The following ZFYVE28 variants were observed in gnomAD, a reference collection of about 807,000 sequenced individuals.
ZFYVE28 encodes the protein zinc finger FYVE-type containing 28.
A neutral mutation model predicts 82.1 loss-of-function variants in ZFYVE28; 40 were observed. That is an observed-to-expected ratio of 0.49 (90% CI 0.38 to 0.63). The LOEUF (loss-of-function observed/expected upper bound fraction) is 0.63, where lower values mean the gene tolerates loss of function less well. ZFYVE28 is among the 30% of genes least tolerant of loss of function. The pLI is 0.00. For missense variants in ZFYVE28, 1,321 were observed against 1,242.1 expected, an observed-to-expected ratio of 1.06 and a Z score of -0.96; for synonymous variants, 612 against 546.1, an observed-to-expected ratio of 1.12 and a Z score of -1.68.
chr4:2,303,195 G>A (rs763641063), intron 8 of ZFYVE28, among the ~76,000 whole-genome samples: 35 of 152,058 alleles, frequency 2.3e-4, no homozygotes, highest in Non-Finnish European at 3.5e-4. Flanking sequence ...AAGGAAGAAC[G>A]GCCTGACCGT....
At chr4:2,302,536 G>A (rs1404907367) in intron 8 of ZFYVE28, among the ~76,000 whole-genome samples, 1 of 152,232 alleles carries the variant, frequency 6.6e-6, no homozygotes, top group African/African-American at 2.4e-5. Context: ...CTGCCTGGAT[G>A]CCAACTGCAG....
intron 4 of ZFYVE28, among the ~76,000 whole-genome samples, chr4:2,337,768 G>A (rs1722080885): frequency 1.3e-5 from 2 of 152,168 alleles, no homozygotes; most frequent in Non-Finnish European, 2.9e-5. Context: ...CTACTTGGGA[G>A]GCTGAGGTGG....
At chr4:2,404,172 A>T (rs1392588940) in intron 1 of ZFYVE28, among the ~76,000 whole-genome samples, 1 of 151,576 alleles carries the variant, frequency 6.6e-6, no homozygotes, top group Non-Finnish European at 1.5e-5. Context: ...TACAAAAAAA[A>T]TTATCCAGGC....
intron 1 of ZFYVE28, among the ~76,000 whole-genome samples, chr4:2,360,900 T>C (rs1474438398): frequency 6.6e-6 from 1 of 152,230 alleles, no homozygotes; most frequent in African/African-American, 2.4e-5. Context: ...AGCATCTCCC[T>C]TTGATTTGAA....
chr4:2,318,588 TCTCA>T (rs1718582095), intron 7 of ZFYVE28, among the ~76,000 whole-genome samples: 1 of 152,214 alleles, frequency 6.6e-6, no homozygotes, highest in Non-Finnish European at 1.5e-5. Flanking sequence ...ATCTGTGGAT[TCTCA>T]CTGTTTTCCC....
chr4:2,408,514 G>A lies in ZFYVE28; in HGVS notation c.39+9771C>T, dbSNP rs995798403. 1.3e-5 allele frequency among the ~76,000 whole-genome samples: 2 copies of A among 152,216 alleles called. No homozygotes were observed. The highest frequency in any genetic ancestry group is 1.9e-4 in the East Asian group (1 of 5,196). The stretch of plus-strand genomic sequence containing the variant: ...GGCCTGCCTGACAGCTGCACCAGCC[G>A]GGGTGGACCAAAGGCCGCAGATGGT... On this transcript the variant is annotated intron_variant, in intron 1 of 12. Coordinates refer to ENST00000290974, the MANE Select transcript of ZFYVE28 (RefSeq NM_020972.3). This position sits in a 1 kb window ranked among gnomAD's most constrained non-coding sequence, Gnocchi z 4.3.
At chr4:2,346,124 C>G (rs1177189734) in intron 2 of ZFYVE28, among the ~76,000 whole-genome samples, 3 of 147,300 alleles carry the variant, frequency 2.0e-5, no homozygotes, top group African/African-American at 7.6e-5. Context: ...GTCAGGAGAT[C>G]GAGACCATCC....
intron 5 of ZFYVE28, 90 bp downstream of exon 5, chr4:2,337,317 T>A: frequency 1.7e-6 from 2 of 1,145,048 alleles, no homozygotes; most frequent in Non-Finnish European, 2.5e-6. Flanking sequence ...ACACAGCAGG[T>A]TCCCCCAGAG....
chr4:2,394,395 C>T lies in ZFYVE28; in HGVS notation c.39+23890G>A, dbSNP rs952471042. Among the ~76,000 whole-genome samples, 6 of 152,212 alleles carry T rather than the reference C, an allele frequency of 3.9e-5. No individual in the cohort carries two copies. Among genetic ancestry groups the T allele is most frequent in the African/African-American group, 1.4e-4 (6 of 41,452 alleles). On this transcript the variant is annotated intron_variant, in intron 1 of 12. Transcript: ENST00000290974. The surrounding 1 kb of genome is among the most constrained non-coding windows in gnomAD (Gnocchi z 4.0). ...AGCCACGTATGCGATCCCACGGCCA[C>T]ACCTGCTCCAATGCCTGGACCTGGA...
intron 12 of ZFYVE28, 52 bp from the exon 13 acceptor site, chr4:2,270,908 C>A: frequency 6.3e-7 from 1 of 1,576,390 alleles, no homozygotes; most frequent in Non-Finnish European, 8.6e-7. Context: ...CCCCACCCAC[C>A]CTGGCTCCTC....
intron 3 of ZFYVE28, among the ~76,000 whole-genome samples, chr4:2,340,236 G>A (rs548396740): frequency 6.6e-4 from 100 of 152,294 alleles, no homozygotes; most frequent in African/African-American, 2.4e-3. Flanking sequence ...CAGTGTGAGA[G>A]TCCCTGGGCT....
chr4:2,270,524 T>G lies in ZFYVE28; in HGVS notation c.*201A>C. 3 of 720,638 alleles carry G rather than the reference T, an allele frequency of 4.2e-6. No individual in the cohort carries two copies. Among genetic ancestry groups the G allele is most frequent in the Non-Finnish European group, 6.7e-6 (3 of 450,190 alleles). 44.6% of individuals were successfully genotyped at this position (720,638 alleles called of 1,614,324 possible). On this transcript the variant is annotated 3_prime_UTR_variant, in exon 13 of 13. Coordinates refer to ENST00000290974, the MANE Select transcript of ZFYVE28 (RefSeq NM_020972.3). ...CCCCTGCTGGGCAAAGCTGACCTCT[T>G]GTTGGCCCCTGCAGCCGGCCCGGGG... is the stretch of plus-strand genomic sequence containing the variant.
intron 1 of ZFYVE28, among the ~76,000 whole-genome samples, chr4:2,370,969 G>A (rs1489878740): frequency 2.0e-5 from 3 of 152,212 alleles, no homozygotes; most frequent in Non-Finnish European, 4.4e-5. Context: ...TGTCCACCAC[G>A]AAGACCCCCA....
chr4:2,375,373 G>C (rs1030512405), intron 1 of ZFYVE28, among the ~76,000 whole-genome samples: 9 of 152,212 alleles, frequency 5.9e-5, no homozygotes, highest in African/African-American at 1.9e-4. Flanking sequence ...CAGCATCGAA[G>C]GAGGCCCCGG....
chr4:2,301,711 C>G (rs1248423180), intron 8 of ZFYVE28, among the ~76,000 whole-genome samples: 1 of 152,072 alleles, frequency 6.6e-6, no homozygotes, highest in Non-Finnish European at 1.5e-5. Flanking sequence ...ACCAAAAACT[C>G]TCCCACTTAT....
chr4:2,384,874 C>T (rs1729090614), intron 1 of ZFYVE28, among the ~76,000 whole-genome samples: 1 of 152,138 alleles, frequency 6.6e-6, no homozygotes, highest in Admixed American at 6.5e-5. Flanking sequence ...GAACTCTTGC[C>T]TTTTCAAGAT....
rs200677236 is a variant in ZFYVE28, at chr4:2,305,417, G to T, written c.923C>A (p.Pro308His). The T allele has an allele frequency of 1.9e-6, 3 of 1,612,720 alleles. No homozygotes were observed. Among genetic ancestry groups the T allele is most frequent in the Non-Finnish European group, 2.5e-6 (3 of 1,179,960 alleles). The change falls in exon 8 of 13, where the codon CCT becomes CAT. Residue 308 changes from proline to histidine, a missense_variant. Around this residue, in one of 2 missense-constraint regions of ZFYVE28, gnomAD observed 978 missense variants for 833.7 expected, o/e 1.17. Coordinates refer to ENST00000290974, the MANE Select transcript of ZFYVE28 (RefSeq NM_020972.3). ...ADVQGPAALA[P>H]ALSAPLPPEG... ...AGGGGGGAGAGGGGCAGAGAGGGCAGGCGCCAGGGCAGCGGGTCCCTGCAC... is the reference window on the plus strand; with the variant it reads ...AGGGGGGAGAGGGGCAGAGAGGGCATGCGCCAGGGCAGCGGGTCCCTGCAC...
chr4:2,274,458 C>T (rs138149325), intron 8 of ZFYVE28, among the ~76,000 whole-genome samples: 1 of 152,298 alleles, frequency 6.6e-6, no homozygotes, highest in East Asian at 1.9e-4. Context: ...CCTTTGATTT[C>T]TGCTGGGCCT....
rs552419695 is a variant in ZFYVE28 at position 2,399,688 on chromosome 4, G to A, written c.39+18597C>T. Among the ~76,000 whole-genome samples, 27 of 152,344 alleles carry A rather than the reference G, an allele frequency of 1.8e-4. No individual in the cohort carries two copies. The East Asian group carries it at 2.5e-3, about 14-fold the overall frequency. ...GCACCAGGTGGCCTACAGAGAAGCCGCCTGCCTCCCACCCAGCAAGTGGCG... is the reference window on the plus strand; with the variant it reads ...GCACCAGGTGGCCTACAGAGAAGCCACCTGCCTCCCACCCAGCAAGTGGCG... On this transcript the variant is annotated intron_variant, in intron 1 of 12. Transcript: ENST00000290974.
Sources: allele counts gnomAD v4.1 joint callset (sites outside exome capture counted in the v4.1 genomes callset), GRCh38; gene constraint gnomAD v4.1.1; regional missense constraint gnomAD v4.1.1; non-coding constraint Gnocchi (gnomAD v3.1); transcripts MANE v1.5; gene names NCBI Gene and HGNC (gene_info 2026-07-23, HGNC 2026-07-21).